The following DCAF12 variants were observed in gnomAD, a reference collection of about 807,000 sequenced individuals.
DCAF12 encodes DDB1 and CUL4 associated factor 12, also known as DDB1- and CUL4-associated factor 12.
DCAF12 carries 28 observed loss-of-function variants against 52.8 expected under a neutral mutation model. That is an observed-to-expected ratio of 0.53 (90% CI 0.39 to 0.73). The LOEUF (loss-of-function observed/expected upper bound fraction) is 0.73, where lower values mean the gene tolerates loss of function less well. DCAF12 is among the 30% of genes least tolerant of loss of function. The pLI is 0.00. For synonymous variants in DCAF12, 196 were observed against 215.5 expected, an observed-to-expected ratio of 0.91 and a Z score of 0.79; for missense variants, 425 against 552.2, an observed-to-expected ratio of 0.77 and a Z score of 2.31.
chr9:34,120,325 A>C (rs1462203866), intron 2 of DCAF12, among the ~76,000 whole-genome samples: 4 of 150,114 alleles, frequency 2.7e-5, no homozygotes, highest in African/African-American at 9.9e-5. Context: ...AGCTGCAGTG[A>C]GCCATGACTG....
At chr9:34,098,580 C>T (rs1828776700) in intron 4 of DCAF12, 63 bp from the exon 5 acceptor site, 21 of 1,517,556 alleles carry the variant, frequency 1.4e-5, no homozygotes, top group South Asian at 5.0e-5. Context: ...ATCCCACAGA[C>T]GCCAAAGAGG....
chr9:34,092,581 G>C (rs560362682), intron 7 of DCAF12, among the ~76,000 whole-genome samples: 4 of 151,924 alleles, frequency 2.6e-5, no homozygotes, highest in Non-Finnish European at 2.9e-5. Context: ...ACCTACTCGC[G>C]AGGCTGAGGC....
chr9:34,096,881 T>C (rs1330715205), intron 5 of DCAF12, 100 bp from the exon 6 acceptor site: 2 of 1,018,550 alleles, frequency 2.0e-6, no homozygotes, highest in Non-Finnish European at 3.0e-6. Context: ...TTTATTCCTG[T>C]CTCGTGATGA....
intron 4 of DCAF12, among the ~76,000 whole-genome samples, chr9:34,104,584 T>C (rs1180797459): frequency 6.6e-6 from 1 of 152,146 alleles, no homozygotes; most frequent in East Asian, 1.9e-4. Flanking sequence ...TGTGACCTCA[T>C]TTACCCCATC....
At chr9:34,120,617 C>A (rs905964365) in intron 2 of DCAF12, among the ~76,000 whole-genome samples, 2 of 149,602 alleles carry the variant, frequency 1.3e-5, no homozygotes, top group African/African-American at 2.5e-5. Context: ...TTACAGTGAG[C>A]CAAGATCGTG....
Position 34,092,453 on chromosome 9 carries a change from C to T in DCAF12, c.1024+833G>A, listed in dbSNP as rs528743323. On this transcript the variant is annotated intron_variant, in intron 7 of 8. Coordinates refer to ENST00000361264, the MANE Select transcript of DCAF12 (RefSeq NM_015397.4). ...CTGTAATCTCAGCACTTTGGAAGGCCGAGGTGGGTGGATCACAAGGTCAAG... is the reference window on the plus strand; with the variant it reads ...CTGTAATCTCAGCACTTTGGAAGGCTGAGGTGGGTGGATCACAAGGTCAAG... Among the ~76,000 whole-genome samples the T allele has an allele frequency of 1.4e-3, 216 of 152,208 alleles. 1 individual carries two copies. Among genetic ancestry groups the T allele is most frequent in the African/African-American group, 5.0e-3 (209 of 41,548 alleles).
At chr9:34,120,402 G>A (rs1777411371) in intron 2 of DCAF12, among the ~76,000 whole-genome samples, 1 of 151,772 alleles carries the variant, frequency 6.6e-6, no homozygotes, top group African/African-American at 2.4e-5. Flanking sequence ...TGGGCATGGT[G>A]GCTCACGTTT....
chr9:34,118,019 T>C (rs1011554881), intron 2 of DCAF12, among the ~76,000 whole-genome samples: 5 of 152,210 alleles, frequency 3.3e-5, no homozygotes, highest in African/African-American at 4.8e-5. Context: ...TTCCAAGTGA[T>C]ACCAATCTGA....
chr9:34,088,098 CAAT>C lies in DCAF12; in HGVS notation c.*249_*251del, dbSNP rs112430605. On this transcript the variant is annotated 3_prime_UTR_variant, in exon 9 of 9. Transcript: ENST00000361264. ...CTTAAAGAAAAATAGGGATTAGCAA[CAAT>C]GTTTGGTTGAAAAGCCAGAAATAAT... 8.4e-3 allele frequency: 2,666 copies of C among 317,250 alleles called. 65 individuals are homozygous for C. The highest frequency in any genetic ancestry group is 0.052 in the African/African-American group (2,411 of 46,326). The allele number at this position is 317,250 out of a possible 1,614,324, so 19.7% of individuals were successfully genotyped here.
At chr9:34,091,639 C>CAAA (rs34922785) in intron 7 of DCAF12, among the ~76,000 whole-genome samples, 14,856 of 80,116 alleles carry the variant, frequency 0.19, 1,543 homozygotes, top group East Asian at 0.26. Context: ...ACCCTGTCTT[C>CAAA]AAAAAAAAAA....
At chr9:34,113,367 T>C (rs1829035782) in intron 2 of DCAF12, among the ~76,000 whole-genome samples, 2 of 151,894 alleles carry the variant, frequency 1.3e-5, no homozygotes, top group South Asian at 4.2e-4. Context: ...TTTTTCTTAT[T>C]TTTTTCTGAA....
intron 4 of DCAF12, among the ~76,000 whole-genome samples, chr9:34,104,879 T>C (rs572506826): frequency 2.0e-5 from 3 of 150,608 alleles, no homozygotes; most frequent in Non-Finnish European, 4.4e-5. Context: ...GATTGCACCA[T>C]TGCACTTTAG....
intron 2 of DCAF12, among the ~76,000 whole-genome samples, chr9:34,111,241 C>G (rs1234767411): frequency 6.6e-6 from 1 of 152,154 alleles, no homozygotes; most frequent in African/African-American, 2.4e-5. Flanking sequence ...GCCTCAGCCT[C>G]CCAAAGTGCC....
chr9:34,125,283 G>A lies in DCAF12; in HGVS notation c.79-6C>T, dbSNP rs375769146. The A allele has an allele frequency of 3.0e-5, 48 of 1,613,336 alleles. No individual in the cohort carries two copies. The highest frequency in any genetic ancestry group is 3.9e-5 in the Non-Finnish European group (46 of 1,179,758). On this transcript the variant is annotated splice_polypyrimidine_tract_variant and splice_region_variant and intron_variant, in intron 1 of 8. Transcript: ENST00000361264. ...AGCGAGTGATCCCAGCCAAACTGTG[G>A]AAACAACATTAGAAATCAGGGCTTT...
chr9:34,126,499 G>T lies in DCAF12; in HGVS notation c.-68C>A. On this transcript the variant is annotated 5_prime_UTR_variant, in exon 1 of 9. Transcript: ENST00000361264. The stretch of plus-strand genomic sequence containing the variant: ...GGAAGCGAAGGATAGCAGGACGGCG[G>T]GTCATATACTGGGCCCCGGGGCCGC... 6.5e-7 allele frequency: 1 copy of T among 1,540,468 alleles called. No homozygotes were observed. The highest frequency in any genetic ancestry group is 8.7e-7 in the Non-Finnish European group (1 of 1,146,616).
At chr9:34,102,666 A>AAAC (rs10624115) in intron 4 of DCAF12, among the ~76,000 whole-genome samples, 113 of 151,134 alleles carry the variant, frequency 7.5e-4, no homozygotes, top group African/African-American at 2.4e-3. Flanking sequence ...ACACACAAAC[A>AAAC]AACAACAACA....
Position 34,094,738 on chromosome 9 carries a change from G to C in DCAF12, c.862-1290C>G, listed in dbSNP as rs185758195. On this transcript the variant is annotated intron_variant, in intron 6 of 8. Coordinates refer to ENST00000361264, the MANE Select transcript of DCAF12 (RefSeq NM_015397.4). ...GTAGAGACGGGGTTTCACCATGTTA[G>C]CCAGGATGGTCTCAATCTCCTGACC... Among the ~76,000 whole-genome samples the C allele has an allele frequency of 7.0e-3, 1,064 of 151,854 alleles. 14 individuals carry two copies. The highest frequency in any genetic ancestry group is 0.024 in the African/African-American group (997 of 41,442).
chr9:34,105,490 G>A (rs903085648), intron 4 of DCAF12, among the ~76,000 whole-genome samples: 9 of 151,902 alleles, frequency 5.9e-5, no homozygotes, highest in Non-Finnish European at 1.2e-4. Context: ...GTCAACAGTC[G>A]TTATTACTAG....
At chr9:34,117,953 T>G (rs1829112484) in intron 2 of DCAF12, among the ~76,000 whole-genome samples, 1 of 152,130 alleles carries the variant, frequency 6.6e-6, no homozygotes. Context: ...CTTGGACTGT[T>G]AAATCAGAAC....
Sources: gnomAD v4.1 joint callset for allele counts (sites outside exome capture counted in the v4.1 genomes callset) on GRCh38, gnomAD v4.1.1 for gene constraint, MANE v1.5 for transcripts, NCBI Gene and HGNC (gene_info 2026-07-23, HGNC 2026-07-21) for gene names.